TTC6: variants seen among roughly 807,000 people sequenced by gnomAD.
The protein encoded by TTC6 is tetratricopeptide repeat protein 6.
A neutral mutation model predicts 210.4 loss-of-function variants in TTC6; 172 were observed. That is an observed-to-expected ratio of 0.82 (90% CI 0.72 to 0.93). The LOEUF is 0.93. TTC6 is among the 40% of genes least tolerant of loss of function. The pLI is 0.00. For missense variants in TTC6, 2,414 were observed against 2,318.1 expected, an observed-to-expected ratio of 1.04 and a Z score of -0.85; for synonymous variants, 804 against 819.6, an observed-to-expected ratio of 0.98 and a Z score of 0.32.
At chr14:37,655,319 A>G (rs1201244710) in intron 1 of TTC6, among the ~76,000 whole-genome samples, 3 of 152,220 alleles carry the variant, frequency 2.0e-5, no homozygotes, top group Non-Finnish European at 2.9e-5. Context: ...CTAGGAAAAA[A>G]ATGGATAGTT....
At chr14:37,708,172 C>CTA (rs1463213873) in intron 5 of TTC6, among the ~76,000 whole-genome samples, 1 of 151,536 alleles carries the variant, frequency 6.6e-6, no homozygotes, top group Non-Finnish European at 1.5e-5. Context: ...GGATATATAT[C>CTA]TATATATATA....
chr14:37,760,745 G>A (rs1268333021), intron 14 of TTC6, among the ~76,000 whole-genome samples: 1 of 152,156 alleles, frequency 6.6e-6, no homozygotes, highest in Non-Finnish European at 1.5e-5. Context: ...AGGCAGTCTG[G>A]CCACAGCCGC....
rs1423067784 is a variant in TTC6 at position 37,806,504 on chromosome 14, T to C, written c.4308T>C (p.His1436=). Residue 1436 remains histidine, a synonymous_variant, in exon 22 of 31, where the codon CAT becomes CAC. Transcript: ENST00000553443. Reference sequence around the variant, plus strand: ...GTGCAATTACCCTCAATCCAAAACATTACCAGGTATTTAAACAGATGTTTT... The same window carrying C: ...GTGCAATTACCCTCAATCCAAAACACTACCAGGTATTTAAACAGATGTTTT... The C allele has an allele frequency of 3.3e-6, 5 of 1,529,294 alleles. No individual in the cohort carries two copies. In the South Asian group the frequency reaches 6.0e-5, roughly 18 times the overall value. 94.7% of individuals were successfully genotyped at this position (1,529,294 alleles called of 1,614,324 possible).
intron 24 of TTC6, 134 bp from the exon 27 acceptor site, chr14:37,812,180 A>AT (rs1392350044): frequency 1.2e-6 from 1 of 867,650 alleles, no homozygotes; most frequent in Non-Finnish European, 1.7e-6. Context: ...ACATATGATT[A>AT]TTTTGGCCAT....
chr14:37,825,956 CG>C (rs1237455241), intron 27 of TTC6, among the ~76,000 whole-genome samples: 1 of 151,826 alleles, frequency 6.6e-6, no homozygotes, highest in Admixed American at 6.6e-5. Context: ...GGAGATGACT[CG>C]GAAGTTAAAT....
At chr14:37,622,665 A>G (rs1392689737) in exon 1 of TTC6, 3 of 1,535,164 alleles carry the variant, frequency 2.0e-6, no homozygotes, top group South Asian at 2.4e-5. Flanking sequence ...CTGCATGGCC[A>G]AAGAGAGGAA....
intron 2 of TTC6, among the ~76,000 whole-genome samples, chr14:37,615,761 CT>C (rs2095641733): frequency 6.6e-6 from 1 of 151,402 alleles, no homozygotes; most frequent in African/African-American, 2.4e-5. Context: ...GTTCAATTTT[CT>C]TTTTCTTTTT....
chr14:37,813,187 A>G (rs907773262), intron 25 of TTC6, among the ~76,000 whole-genome samples: 3 of 152,162 alleles, frequency 2.0e-5, no homozygotes, highest in South Asian at 2.1e-4. Flanking sequence ...TTATTTTTCT[A>G]TTTCTGGAGT....
intron 1 of TTC6, among the ~76,000 whole-genome samples, chr14:37,656,210 G>A (rs1043396999): frequency 2.0e-5 from 3 of 152,156 alleles, no homozygotes; most frequent in African/African-American, 4.8e-5. Context: ...TTTCTTTTGT[G>A]AATGGCAAGT....
At chr14:37,775,455 G>C (rs990782318) in intron 14 of TTC6, among the ~76,000 whole-genome samples, 2 of 152,040 alleles carry the variant, frequency 1.3e-5, no homozygotes, top group African/African-American at 2.4e-5. Context: ...GCATAGAATT[G>C]TTTGATTTCT....
Position 37,666,967 on chromosome 14 carries a change from A to G in TTC6, c.940-13184A>G, listed in dbSNP as rs556814763. Among the ~76,000 whole-genome samples the G allele has an allele frequency of 3.1e-4, 47 of 150,302 alleles. 4 individuals carry two copies. The highest frequency in any genetic ancestry group is 6.6e-4 in the Non-Finnish European group (44 of 67,016). On this transcript the variant is annotated intron_variant, in intron 1 of 30. Coordinates refer to ENST00000553443, the Ensembl canonical transcript of TTC6. ...TATTATCCAGGCTGATTTTATTATTATATGTTCATTATTACTATATCTATT... is the reference window on the plus strand; with the variant it reads ...TATTATCCAGGCTGATTTTATTATTGTATGTTCATTATTACTATATCTATT...
chr14:37,794,368 T>C (rs1212884576), intron 17 of TTC6, among the ~76,000 whole-genome samples: 1 of 152,166 alleles, frequency 6.6e-6, no homozygotes, highest in Non-Finnish European at 1.5e-5. Flanking sequence ...CCTGCTTCCA[T>C]GCACAAATTA....
chr14:37,771,918 T>C (rs561143714), intron 14 of TTC6, among the ~76,000 whole-genome samples: 27 of 152,338 alleles, frequency 1.8e-4, no homozygotes, highest in Non-Finnish European at 3.2e-4. Context: ...TTCTGTTTTT[T>C]CCCCATCTTT....
rs572121892 is a variant in TTC6, at chr14:37,682,875, C to T, written c.1168C>T (p.Gln390Ter). The T allele has an allele frequency of 6.5e-7, 1 of 1,535,646 alleles. No homozygotes were observed. Among genetic ancestry groups the T allele is most frequent in the Non-Finnish European group, 8.7e-7 (1 of 1,146,604 alleles). Residue 390 changes from glutamine (Q) to a stop codon, truncating the protein, a stop_gained, in exon 3 of 31, where the codon CAA (glutamine) becomes TAA (stop). Transcript: ENST00000553443. LOFTEE classifies it high-confidence loss of function. ...AGTATTTAAACCTCAGGAAATTTCGCAAGTTCAGCCAGCAGAGGAATTAAG... is the reference window on the plus strand; with the variant it reads ...AGTATTTAAACCTCAGGAAATTTCGTAAGTTCAGCCAGCAGAGGAATTAAG...
exon 22 of TTC6, chr14:37,806,423 G>T: frequency 3.9e-6 from 6 of 1,535,646 alleles, no homozygotes; most frequent in Non-Finnish European, 5.2e-6. Flanking sequence ...GCTTTTATCA[G>T]CGAGGGCTTT....
chr14:37,667,327 G>C (rs1179097026), intron 1 of TTC6, among the ~76,000 whole-genome samples: 1 of 150,304 alleles, frequency 6.7e-6, no homozygotes, highest in African/African-American at 2.4e-5. Context: ...CCCACCCCCT[G>C]CCCAGCACAT....
chr14:37,823,533 A>G (rs1419443325), intron 26 of TTC6, among the ~76,000 whole-genome samples: 1 of 152,152 alleles, frequency 6.6e-6, no homozygotes, highest in Admixed American at 6.6e-5. Context: ...CTTTCTTGCC[A>G]TCTTTCCTTT....
At chr14:37,788,005 C>G (rs1315199300) in intron 15 of TTC6, among the ~76,000 whole-genome samples, 1 of 151,828 alleles carries the variant, frequency 6.6e-6, no homozygotes, top group Non-Finnish European at 1.5e-5. Context: ...TCTGCAAACC[C>G]AGTCCTGTTT....
intron 1 of TTC6, among the ~76,000 whole-genome samples, chr14:37,601,209 C>A (rs911464927): frequency 2.0e-5 from 3 of 152,212 alleles, no homozygotes; most frequent in Non-Finnish European, 4.4e-5. Flanking sequence ...CTGAGCCCTG[C>A]CCTCCTTAGG....
Sources: gnomAD v4.1 joint callset for allele counts (sites outside exome capture counted in the v4.1 genomes callset) on GRCh38, gnomAD v4.1.1 for gene constraint, MANE v1.5 for transcripts, NCBI Gene and HGNC (gene_info 2026-07-23, HGNC 2026-07-21) for gene names.